Variants in CCDC30 observed in about 807,000 individuals in gnomAD.
The protein encoded by CCDC30 is coiled-coil domain containing 30.
Under a neutral mutation model 100.2 loss-of-function variants are expected in CCDC30, and 70 were observed. That is an observed-to-expected ratio of 0.70 (90% CI 0.58 to 0.85). CCDC30 has a LOEUF of 0.85. Among genes scored for constraint, CCDC30 ranks in the 40% least tolerant of loss-of-function variants. CCDC30 has a pLI of 0.00. For synonymous variants in CCDC30, 233 were observed against 269.5 expected (o/e 0.86, Z 1.33); for missense variants, 652 against 771.2 (o/e 0.85, Z 1.83).
chr1:42,519,378 T>C (rs780882928), intron 6 of CCDC30, among the ~76,000 whole-genome samples: 1 of 152,212 alleles, frequency 6.6e-6, no homozygotes, highest in Non-Finnish European at 1.5e-5. Flanking sequence ...TTTTTAAATG[T>C]TTGGTAGAAT....
chr1:42,456,670 G>A, the CCDC30 span: 1 of 1,603,100 alleles, frequency 6.2e-7, no homozygotes. Context: ...CGCAGGGCCG[G>A]CGGGTGGTGT....
intron 7 of CCDC30, among the ~76,000 whole-genome samples, chr1:42,568,821 T>C (rs150798352): frequency 1.2e-3 from 174 of 150,950 alleles, no homozygotes; most frequent in African/African-American, 4.2e-3. Flanking sequence ...CACACGCCTG[T>C]AGTCCCAGCT....
At chr1:42,463,057 A>G (rs1469890269), upstream of CCDC30, among the ~76,000 whole-genome samples, 3 of 152,224 alleles carry the variant, frequency 2.0e-5, no homozygotes, top group African/African-American at 4.8e-5. Flanking sequence ...TGTATTCGCT[A>G]AGTCGCAAAC....
rs112307337 is a variant in CCDC30 at position 42,636,299 on chromosome 1, G to A, written c.1278-938G>A. ...CCAGGTGTGGTGGTGTGCACTACTTGGGATGCTGGGGTGGGAGGATTGCTT... is the reference window on the plus strand; with the variant it reads ...CCAGGTGTGGTGGTGTGCACTACTTAGGATGCTGGGGTGGGAGGATTGCTT... On this transcript the variant is annotated intron_variant, in intron 11 of 16. Coordinates refer to ENST00000668663, the Ensembl canonical transcript of CCDC30. Among the ~76,000 whole-genome samples, 946 of 152,110 alleles carry A rather than the reference G, an allele frequency of 6.2e-3. 8 individuals are homozygous for A. Among genetic ancestry groups the A allele is most frequent in the African/African-American group, 0.021 (885 of 41,510 alleles).
At chr1:42,581,472 A>G (rs763843716) in exon 9 of CCDC30, 2 of 1,613,858 alleles carry the variant, frequency 1.2e-6, no homozygotes, top group Non-Finnish European at 1.7e-6. Context: ...ACACAAAATG[A>G]AGCTAAAGTA....
chr1:42,577,019 G>A lies in CCDC30; in HGVS notation c.637-1G>A. 1 of 1,602,872 alleles carries A rather than the reference G, an allele frequency of 6.2e-7. No individual in the cohort carries two copies. Among genetic ancestry groups the A allele is most frequent in the Non-Finnish European group, 8.5e-7 (1 of 1,170,602 alleles). On this transcript the variant is annotated splice_acceptor_variant, in intron 7 of 16. Transcript: ENST00000668663. LOFTEE classifies it high-confidence loss of function. The stretch of plus-strand genomic sequence containing the variant: ...TACTCTTACTTATTCTCTACCTCTA[G>A]ATAAAGATTGAACTAAAGCATGCCC...
intron 6 of CCDC30, among the ~76,000 whole-genome samples, chr1:42,504,379 A>G (rs1644366271): frequency 6.6e-6 from 1 of 152,206 alleles, no homozygotes; most frequent in Non-Finnish European, 1.5e-5. Context: ...AACACCTGTT[A>G]TCAAGGGGTT....
chr1:42,560,019 A>C (rs1003334456), intron 6 of CCDC30, among the ~76,000 whole-genome samples: 3 of 152,230 alleles, frequency 2.0e-5, no homozygotes, highest in African/African-American at 7.2e-5. Context: ...ATGGAAATTG[A>C]ACAACCTGCT....
chr1:42,602,082 TAGA>T (rs1173189858), intron 10 of CCDC30, among the ~76,000 whole-genome samples: 1 of 151,986 alleles, frequency 6.6e-6, no homozygotes, highest in East Asian at 1.9e-4. Context: ...ATGGATAAAG[TAGA>T]AGAATCAGTG....
intron 6 of CCDC30, among the ~76,000 whole-genome samples, chr1:42,504,672 G>A (rs1644370059): frequency 6.6e-6 from 1 of 152,196 alleles, no homozygotes; most frequent in Admixed American, 6.5e-5. Context: ...GGATTTGGGT[G>A]GCTAGAGTAA....
chr1:42,528,499 A>G (rs1644758319), intron 6 of CCDC30, among the ~76,000 whole-genome samples: 1 of 152,214 alleles, frequency 6.6e-6, no homozygotes, highest in African/African-American at 2.4e-5. Context: ...TCAGATCACA[A>G]TGCAGGTCTG....
rs568498308 is a variant in CCDC30 at position 42,654,162 on chromosome 1, A to C, written c.*134A>C. The stretch of plus-strand genomic sequence containing the variant: ...CCCAAGAGTCTTCAAAACTGCTGAT[A>C]AATTCATTAAAGCAGTTGTAAAAAT... On this transcript the variant is annotated 3_prime_UTR_variant, in exon 17 of 17. Coordinates refer to ENST00000668663, the Ensembl canonical transcript of CCDC30. 3.5e-4 allele frequency: 225 copies of C among 650,556 alleles called. No homozygotes were observed. The African/African-American group carries it at 3.5e-3, about 10-fold the overall frequency. The allele number at this position is 650,556 out of a possible 1,614,324, so 40.3% of individuals were successfully genotyped here.
At chr1:42,628,931 T>C (rs191297818) in intron 11 of CCDC30, among the ~76,000 whole-genome samples, 1 of 152,376 alleles carries the variant, frequency 6.6e-6, no homozygotes. Context: ...CTCTATACCC[T>C]AACTTCATCC....
At chr1:42,511,957 C>A (rs1644484943) in intron 6 of CCDC30, among the ~76,000 whole-genome samples, 1 of 151,948 alleles carries the variant, frequency 6.6e-6, no homozygotes, top group Non-Finnish European at 1.5e-5. Flanking sequence ...GAGCTGACAG[C>A]CTTGAACAGA....
intron 6 of CCDC30, among the ~76,000 whole-genome samples, chr1:42,550,243 A>G (rs1343372767): frequency 6.6e-6 from 1 of 151,898 alleles, no homozygotes; most frequent in African/African-American, 2.4e-5. Flanking sequence ...TTGCTACCCT[A>G]CTCCATAGCA....
intron 15 of CCDC30, among the ~76,000 whole-genome samples, chr1:42,652,201 G>A (rs1449958848): frequency 6.6e-6 from 1 of 152,062 alleles, no homozygotes; most frequent in Non-Finnish European, 1.5e-5. Context: ...TATGCTAAGT[G>A]AAAAAAGCCT....
At chr1:42,521,424 T>A (rs946958645) in intron 6 of CCDC30, among the ~76,000 whole-genome samples, 2 of 152,262 alleles carry the variant, frequency 1.3e-5, no homozygotes, top group African/African-American at 4.8e-5. Flanking sequence ...GAAGATACTT[T>A]GTATGATATC....
At chr1:42,502,926 C>T (rs1036250996) in intron 6 of CCDC30, among the ~76,000 whole-genome samples, 3 of 152,146 alleles carry the variant, frequency 2.0e-5, no homozygotes, top group Non-Finnish European at 4.4e-5. Flanking sequence ...GACAGGGTCT[C>T]ACTCTGTCAC....
chr1:42,494,709 A>C (rs1644201997), intron 4 of CCDC30, among the ~76,000 whole-genome samples: 1 of 139,136 alleles, frequency 7.2e-6, no homozygotes, highest in African/African-American at 2.7e-5. Flanking sequence ...ATGAACAGAC[A>C]CTTCTCAAAA....
Sources: allele counts gnomAD v4.1 joint callset (sites outside exome capture counted in the v4.1 genomes callset), GRCh38; gene constraint gnomAD v4.1.1; transcripts MANE v1.5; gene names NCBI Gene and HGNC (gene_info 2026-07-23, HGNC 2026-07-21).